The following UGT1A10 variants were observed in gnomAD, a reference collection of about 807,000 sequenced individuals.
UGT1A10 encodes UDP-glucuronosyltransferase 1A10.
Under a neutral mutation model 45.8 loss-of-function variants are expected in UGT1A10, and 49 were observed. The observed-to-expected ratio is 1.07, with a 90% confidence interval of 0.85 to 1.36. The LOEUF is 1.36. Ranked by LOEUF, UGT1A10 falls within the 40% of genes most tolerant of loss-of-function variation. The pLI, the probability that UGT1A10 is intolerant of heterozygous loss-of-function variation, is 0.00. For synonymous variants in UGT1A10, 284 were observed against 249.7 expected (o/e 1.14, Z -1.29); for missense variants, 745 against 668.6 (o/e 1.11, Z -1.26).
intron 1 of UGT1A10, among the ~76,000 whole-genome samples, chr2:233,704,262 T>A (rs1431021256): frequency 1.3e-5 from 2 of 151,410 alleles, no homozygotes; most frequent in African/African-American, 4.9e-5. Flanking sequence ...ATTGCTTTTT[T>A]TTTTTTTTTG....
At chr2:233,770,651 C>A (rs1700124792) in intron 4 of UGT1A10, 1 of 150,460 alleles carries the variant, frequency 6.6e-6, no homozygotes, top group Middle Eastern at 3.2e-3. Context: ...GAGTGAGACT[C>A]CGTCTTACTT....
intron 1 of UGT1A10, among the ~76,000 whole-genome samples, chr2:233,720,721 CTT>C (rs1479620216): frequency 1.4e-5 from 1 of 71,278 alleles, no homozygotes; most frequent in Non-Finnish European, 3.0e-5. Context: ...TTTTTTTTTT[CTT>C]GAGACTGAGC....
At chr2:233,698,309 G>A (rs187823497) in intron 1 of UGT1A10, among the ~76,000 whole-genome samples, 41 of 152,288 alleles carry the variant, frequency 2.7e-4, no homozygotes, top group Non-Finnish European at 8.8e-5. Context: ...TGGACAGATG[G>A]AAATGTCTGG....
At chr2:233,650,245 C>T (rs2073706652) in intron 1 of UGT1A10, among the ~76,000 whole-genome samples, 1 of 152,230 alleles carries the variant, frequency 6.6e-6, no homozygotes, top group African/African-American at 2.4e-5. Flanking sequence ...GCTGGGATTA[C>T]AGGTGTGAGC....
intron 1 of UGT1A10, among the ~76,000 whole-genome samples, chr2:233,668,324 C>T (rs144844686): frequency 0.018 from 2,756 of 152,116 alleles, 37 homozygotes; most frequent in South Asian, 0.028. Flanking sequence ...TCCGTCCTTG[C>T]GATAGTTTGC....
intron 1 of UGT1A10, among the ~76,000 whole-genome samples, chr2:233,726,110 G>C (rs2077503399): frequency 6.6e-6 from 1 of 152,164 alleles, no homozygotes; most frequent in Non-Finnish European, 1.5e-5. Context: ...AGGCTGCAGT[G>C]TGCCATGTTC....
intron 1 of UGT1A10, chr2:233,755,622 G>A (rs28900393): frequency 0.029 from 4,678 of 158,830 alleles, 229 homozygotes; most frequent in African/African-American, 0.11. Context: ...TCTTAAAGTA[G>A]GCTTTATATC....
intron 1 of UGT1A10, among the ~76,000 whole-genome samples, chr2:233,764,876 A>G (rs1378500695): frequency 1.5e-5 from 2 of 134,982 alleles, no homozygotes; most frequent in Non-Finnish European, 3.3e-5. Flanking sequence ...AGCCCAAGGG[A>G]AAAGGCAAAG....
At chr2:233,680,488 A>G (rs1200665522) in intron 1 of UGT1A10, among the ~76,000 whole-genome samples, 4 of 152,158 alleles carry the variant, frequency 2.6e-5, no homozygotes, top group African/African-American at 7.2e-5. Context: ...CCTGGAAGGA[A>G]CCATCTTGTG....
Position 233,769,607 on chromosome 2 carries a change from C to T in UGT1A10, c.1295+1168C>T. On this transcript the variant is annotated intron_variant, in intron 4 of 4. Transcript: ENST00000344644. The surrounding 1 kb of genome is among the most constrained non-coding windows in gnomAD (Gnocchi z 4.4). ...TGAGAGGAGACGGAACACGGGGACA[C>T]ACCAGCTTGAGCAAGGGACAACAGG... 6.2e-7 allele frequency: 1 copy of T among 1,612,808 alleles called. No individual in the cohort carries two copies. The highest frequency in any genetic ancestry group is 1.1e-5 in the South Asian group (1 of 91,046).
intron 1 of UGT1A10, chr2:233,648,654 C>A: frequency 3.8e-6 from 1 of 262,506 alleles, no homozygotes; most frequent in Non-Finnish European, 7.5e-6. Context: ...TTAGTGGAGA[C>A]GGGGTTTCAC....
At chr2:233,748,043 G>C (rs1693846723) in intron 1 of UGT1A10, 13 of 1,613,298 alleles carry the variant, frequency 8.1e-6, no homozygotes, top group Non-Finnish European at 1.1e-5. Flanking sequence ...TCTTCATTGG[G>C]GGCATCAACT....
intron 1 of UGT1A10, among the ~76,000 whole-genome samples, chr2:233,668,506 C>T (rs1375098038): frequency 2.0e-5 from 3 of 152,156 alleles, no homozygotes. Flanking sequence ...AATAGTGCCC[C>T]AATAAACATA....
At chr2:233,751,329 G>A (rs1694703475) in intron 1 of UGT1A10, among the ~76,000 whole-genome samples, 1 of 151,722 alleles carries the variant, frequency 6.6e-6, no homozygotes, top group Non-Finnish European at 1.5e-5. Flanking sequence ...CCCCCATTGT[G>A]TCTTGGAAGT....
chr2:233,647,914 G>A, intron 1 of UGT1A10: 2 of 1,592,938 alleles, frequency 1.3e-6, no homozygotes, highest in Non-Finnish European at 1.7e-6. Flanking sequence ...TCCAGGGAAG[G>A]TAGATCACTC....
At chr2:233,675,556 C>T (rs892235925) in intron 1 of UGT1A10, among the ~76,000 whole-genome samples, 1 of 152,048 alleles carries the variant, frequency 6.6e-6, no homozygotes, top group African/African-American at 2.4e-5. Flanking sequence ...TGGCTATAGT[C>T]CAAGATCCAA....
intron 1 of UGT1A10, chr2:233,672,137 G>A (rs1206832619): frequency 6.2e-7 from 1 of 1,614,194 alleles, no homozygotes; most frequent in Non-Finnish European, 8.5e-7. Flanking sequence ...CAACTGGGAA[G>A]ATCACTGAAT....
intron 1 of UGT1A10, among the ~76,000 whole-genome samples, chr2:233,644,995 A>C (rs1254283503): frequency 6.6e-6 from 1 of 152,154 alleles, no homozygotes; most frequent in Non-Finnish European, 1.5e-5. Context: ...CTGATTGAGA[A>C]GCTGAATTAG....
At chr2:233,691,242 A>G in intron 1 of UGT1A10, 2 of 985,500 alleles carry the variant, frequency 2.0e-6, no homozygotes, top group Non-Finnish European at 1.2e-6. Flanking sequence ...TGCTATCTAG[A>G]TGAACTCAAA....
Sources: gnomAD v4.1 joint callset for allele counts (sites outside exome capture counted in the v4.1 genomes callset) on GRCh38, gnomAD v4.1.1 for gene constraint, Gnocchi (gnomAD v3.1) non-coding constraint, MANE v1.5 for transcripts, NCBI Gene and HGNC (gene_info 2026-07-23, HGNC 2026-07-21) for gene names.